SH3GL3: variants seen among roughly 807,000 people sequenced by gnomAD.
SH3GL3 encodes the protein endophilin-A3.
A neutral mutation model predicts 47.7 loss-of-function variants in SH3GL3; 33 were observed. The observed-to-expected ratio is 0.69, with a 90% CI of 0.52 to 0.92. The LOEUF is 0.92. SH3GL3 is among the 40% of genes least tolerant of loss of function. SH3GL3 has a pLI of 0.00. For missense variants in SH3GL3, 363 were observed against 417.8 expected, an observed-to-expected ratio of 0.87 and a Z score of 1.14; for synonymous variants, 155 against 148.8, an observed-to-expected ratio of 1.04 and a Z score of -0.30.
intron 1 of SH3GL3, among the ~76,000 whole-genome samples, chr15:83,461,973 A>G (rs1163682786): frequency 6.6e-6 from 1 of 152,226 alleles, no homozygotes; most frequent in African/African-American, 2.4e-5. Flanking sequence ...AGTTGTTTTC[A>G]GGTTTTATTA....
chr15:83,559,666 G>C lies in SH3GL3; in HGVS notation c.114+345G>C, dbSNP rs2045159778. Among the ~76,000 whole-genome samples, 3 of 152,230 alleles carry C rather than the reference G, an allele frequency of 2.0e-5. No individual in the cohort carries two copies. The South Asian group carries it at 6.2e-4, about 32-fold the overall frequency. On this transcript the variant is annotated intron_variant, in intron 2 of 8. Transcript: ENST00000427482. ...TTGGAGAATCAAAATGTATTTCTGG[G>C]ACAAGATTTTTTGAAATGCAGAATG... is the stretch of plus-strand genomic sequence containing the variant.
chr15:83,499,417 G>A (rs1036148833), intron 1 of SH3GL3, among the ~76,000 whole-genome samples: 8 of 149,552 alleles, frequency 5.3e-5, no homozygotes, highest in Non-Finnish European at 7.4e-5. Context: ...AAAAAGAAAG[G>A]CACTTATCTT....
intron 8 of SH3GL3, among the ~76,000 whole-genome samples, chr15:83,592,538 G>A (rs1009682447): frequency 6.6e-6 from 1 of 152,168 alleles, no homozygotes; most frequent in Non-Finnish European, 1.5e-5. Flanking sequence ...TTGATTTAAA[G>A]TTTGGCTTTC....
intron 5 of SH3GL3, among the ~76,000 whole-genome samples, chr15:83,575,544 C>T (rs143731775): frequency 1.3e-5 from 2 of 152,320 alleles, no homozygotes; most frequent in East Asian, 3.9e-4. Context: ...TGCTCTGTGT[C>T]GCTCAGAAAT....
At chr15:83,509,882 A>G (rs1344202301) in intron 1 of SH3GL3, among the ~76,000 whole-genome samples, 1 of 152,154 alleles carries the variant, frequency 6.6e-6, no homozygotes, top group Non-Finnish European at 1.5e-5. Context: ...CCTTGGAAAA[A>G]TTAAACCAAA....
chr15:83,505,101 A>G (rs1186828057), intron 1 of SH3GL3, among the ~76,000 whole-genome samples: 2 of 152,040 alleles, frequency 1.3e-5, no homozygotes, highest in Non-Finnish European at 2.9e-5. Flanking sequence ...TGAATACACC[A>G]CTTACATACG....
At chr15:83,502,379 A>G (rs982513518) in intron 1 of SH3GL3, among the ~76,000 whole-genome samples, 4 of 152,242 alleles carry the variant, frequency 2.6e-5, no homozygotes, top group African/African-American at 9.6e-5. Context: ...CACCCACAGT[A>G]GGAGACAGGA....
intron 1 of SH3GL3, among the ~76,000 whole-genome samples, chr15:83,450,427 G>A (rs979632645): frequency 2.6e-5 from 4 of 152,202 alleles, no homozygotes; most frequent in African/African-American, 9.6e-5. Context: ...CAGGACCATG[G>A]CAAACTGAGA....
chr15:83,605,839 G>A (rs1896797), intron 8 of SH3GL3, among the ~76,000 whole-genome samples: 92,565 of 151,830 alleles, frequency 0.61, 29,975 homozygotes, highest in African/African-American at 0.84. Context: ...AAGGAGGCCA[G>A]GAAACATCCT....
intron 8 of SH3GL3, among the ~76,000 whole-genome samples, chr15:83,616,466 T>C (rs887876022): frequency 5.9e-5 from 9 of 152,032 alleles, no homozygotes; most frequent in African/African-American, 2.2e-4. Context: ...GTGTTCTCGA[T>C]CTCCTGAACT....
rs745613622 is a variant in SH3GL3, at chr15:83,490,943, G to T, written c.45+43365G>T. 3 of 1,613,228 alleles carry T rather than the reference G, an allele frequency of 1.9e-6. No homozygotes were observed. The Admixed American group carries it at 5.0e-5, about 27-fold the overall frequency. ...ATGTTAAGGGGGAGTGGTTGGGGAA[G>T]AACAGTAAACTTGGAAAAGCCATTC... On this transcript the variant is annotated intron_variant, in intron 1 of 8. Transcript: ENST00000427482.
chr15:83,513,092 T>C (rs1170255341), intron 1 of SH3GL3, among the ~76,000 whole-genome samples: 1 of 152,190 alleles, frequency 6.6e-6, no homozygotes, highest in East Asian at 1.9e-4. Context: ...GCTGTGAATC[T>C]GTATTTTTCC....
intron 2 of SH3GL3, among the ~76,000 whole-genome samples, chr15:83,562,220 G>A (rs1202650196): frequency 6.6e-6 from 1 of 152,048 alleles, no homozygotes; most frequent in Non-Finnish European, 1.5e-5. Flanking sequence ...ATTTGTAAAG[G>A]GTTTATTTCT....
At chr15:83,474,853 A>G (rs2041021601) in intron 1 of SH3GL3, among the ~76,000 whole-genome samples, 1 of 152,152 alleles carries the variant, frequency 6.6e-6, no homozygotes, top group Admixed American at 6.5e-5. Flanking sequence ...AAGTCATGAT[A>G]CAGATTTGAC....
chr15:83,603,502 C>T (rs1323223793), intron 8 of SH3GL3, among the ~76,000 whole-genome samples: 2 of 152,192 alleles, frequency 1.3e-5, no homozygotes, highest in Non-Finnish European at 2.9e-5. Flanking sequence ...TGACACCTTT[C>T]GTTGCGTCTT....
chr15:83,517,535 C>A (rs1429822147), intron 1 of SH3GL3, among the ~76,000 whole-genome samples: 1 of 152,012 alleles, frequency 6.6e-6, no homozygotes, highest in Non-Finnish European at 1.5e-5. Flanking sequence ...GTGTTTCCCT[C>A]ATTTTGATTG....
intron 1 of SH3GL3, among the ~76,000 whole-genome samples, chr15:83,534,747 C>T (rs1567311780): frequency 2.0e-5 from 3 of 152,102 alleles, no homozygotes; most frequent in Admixed American, 6.5e-5. Context: ...GCAATATTTC[C>T]AGAGTATTGA....
intron 1 of SH3GL3, among the ~76,000 whole-genome samples, chr15:83,522,103 G>A (rs1486086849): frequency 6.6e-6 from 1 of 152,106 alleles, no homozygotes; most frequent in East Asian, 1.9e-4. Context: ...GAACTCTTGG[G>A]TGAGATTTGG....
At chr15:83,623,906 C>T in the SH3GL3 span, among the ~76,000 whole-genome samples, 41 of 152,272 alleles carry the variant, frequency 2.7e-4, 1 homozygote, top group Middle Eastern at 6.8e-3. Context: ...CTGCCTCAGC[C>T]ACCTGAGTAG....
Sources: gnomAD v4.1 joint callset for allele counts (sites outside exome capture counted in the v4.1 genomes callset) on GRCh38, gnomAD v4.1.1 for gene constraint, MANE v1.5 for transcripts, NCBI Gene and HGNC (gene_info 2026-07-23, HGNC 2026-07-21) for gene names.